HJURP: variants seen among roughly 807,000 people sequenced by gnomAD.
HJURP encodes 14-3-3-associated AKT substrate.
In HJURP, 49 loss-of-function variants were observed where a neutral mutation model predicts 72.0. The observed-to-expected ratio is 0.68, with a 90% confidence interval of 0.54 to 0.86. The LOEUF is 0.86. Among genes scored for constraint, HJURP ranks in the 40% least tolerant of loss-of-function variants. HJURP has a pLI of 0.00. For synonymous variants in HJURP, 357 were observed against 347.1 expected (o/e 1.03, Z -0.32); for missense variants, 908 against 936.3 (o/e 0.97, Z 0.39).
intron 6 of HJURP, among the ~76,000 whole-genome samples, chr2:233,844,856 G>A (rs1705319232): frequency 6.6e-6 from 1 of 152,188 alleles, no homozygotes; most frequent in African/African-American, 2.4e-5. Context: ...ATTCTGCAAT[G>A]TGTACTTCCT....
rs1705213650 is a variant in HJURP, at chr2:233,841,066, G to A, written c.1714C>T (p.His572Tyr). Residue 572 changes from histidine (H) to tyrosine (Y), a missense_variant, in exon 8 of 9, where the codon CAC becomes TAC. By Grantham distance (83) the His-to-Tyr change is moderately conservative. Coordinates refer to ENST00000411486, the MANE Select transcript of HJURP (RefSeq NM_018410.5). Reference sequence around the variant, plus strand: ...ATTTCATCGTAACGATTCCTTCCGTGGCCTGGCACTTCTTTATCTGGGACT... The same window carrying A: ...ATTTCATCGTAACGATTCCTTCCGTAGCCTGGCACTTCTTTATCTGGGACT... ...LSVPDKEVPG[H>Y]GRNRYDEIKE... 1 of 1,614,000 alleles carries A rather than the reference G, an allele frequency of 6.2e-7. No homozygotes were observed. Among genetic ancestry groups the A allele is most frequent in the South Asian group, 1.1e-5 (1 of 91,076 alleles).
chr2:233,850,302 C>T (rs778710256), intron 3 of HJURP, among the ~76,000 whole-genome samples: 15 of 152,316 alleles, frequency 9.8e-5, no homozygotes, highest in East Asian at 1.9e-4. Context: ...GTATTTAAGG[C>T]GGGGAGGAGC....
In HJURP at chr2:233,837,319, A is replaced by AAAAACC. The variant is rs1553643892; in HGVS notation, c.*257_*258insGGTTTT. 7.3e-6 allele frequency: 2 copies of AAAAACC among 275,474 alleles called. No homozygotes were observed. Among genetic ancestry groups the AAAAACC allele is most frequent in the African/African-American group, 5.5e-5 (2 of 36,518 alleles). The allele number at this position is 275,474 out of a possible 1,614,324, so 17.1% of individuals were successfully genotyped here. On this transcript the variant is annotated 3_prime_UTR_variant, in exon 9 of 9. Transcript: ENST00000411486. Reference sequence around the variant, plus strand: ...AAACAAACAAACAAACAAACAAATAACCCCCCCCCAAAAAAAACACACACA... The same window carrying AAAAACC: ...AAACAAACAAACAAACAAACAAATAAAAAACCCCCCCCCCCAAAAAAAACACACACA...
rs577946669 is a variant in HJURP, at chr2:233,846,007, G to T, written c.403-187C>A. 1 of 520,156 alleles carries T rather than the reference G, an allele frequency of 1.9e-6. No homozygotes were observed. Among genetic ancestry groups the T allele is most frequent in the Non-Finnish European group, 3.4e-6 (1 of 292,644 alleles). The allele number at this position is 520,156 out of a possible 1,614,324, so 32.2% of individuals were successfully genotyped here. ...TTCCTGCTATGTTAATAATCCAAAA[G>T]AATGTAAAAAGACACACACACACAA... On this transcript the variant is annotated intron_variant, in intron 5 of 8. Transcript: ENST00000411486. The surrounding 1 kb of genome is among the most constrained non-coding windows in gnomAD (Gnocchi z 4.3).
At position 233,841,004 on chromosome 2, in the gene HJURP, G is replaced by A. The variant is rs1395430617; in HGVS notation, c.1776C>T (p.Cys592=). Residue 592 remains cysteine, a synonymous_variant, in exon 8 of 9, where the codon TGC becomes TGT. Coordinates refer to ENST00000411486, the MANE Select transcript of HJURP (RefSeq NM_018410.5). ...EEFDKLHQKY[C]LKSPGQMTVP... ...CTGTCATCTGCCCAGGAGATTTGAG[G>A]CAATACTTTTGATGAAGCTTGTCAA... The A allele has an allele frequency of 5.0e-6, 8 of 1,614,006 alleles. No homozygotes were observed. The highest frequency in any genetic ancestry group is 5.9e-6 in the Non-Finnish European group (7 of 1,180,028).
intron 3 of HJURP, among the ~76,000 whole-genome samples, chr2:233,852,301 T>A (rs1705513003): frequency 6.6e-6 from 1 of 152,182 alleles, no homozygotes; most frequent in African/African-American, 2.4e-5. Flanking sequence ...CCTCTGCACA[T>A]GTATTATCAG....
In HJURP at chr2:233,840,942, C is replaced by T. The variant is rs200325352; in HGVS notation, c.1838G>A (p.Ser613Asn). ...TTCTGTTTGATATCGAACTTCCATA[C>T]TTGCTTTATCTGTAGACACTCCAAT... Reference protein sequence around the residue: ...LCIGVSTDKASMEVRYQTEGF... With the variant: ...LCIGVSTDKANMEVRYQTEGF... Residue 613 changes from serine (S) to asparagine (N), a missense_variant, in exon 8 of 9, where the codon AGT becomes AAT. By Grantham distance (46) the Ser-to-Asn change is conservative (BLOSUM62 1). Transcript: ENST00000411486. 9.9e-5 allele frequency: 160 copies of T among 1,614,052 alleles called. No homozygotes were observed. Among genetic ancestry groups the T allele is most frequent in the African/African-American group, 9.3e-5 (7 of 74,920 alleles).
At chr2:233,852,501 C>T (rs1346911584) in intron 3 of HJURP, 64 bp downstream of exon 3, 1 of 1,261,998 alleles carries the variant, frequency 7.9e-7, no homozygotes, top group Non-Finnish European at 1.2e-6. Context: ...ATACCCACAC[C>T]TTTATTCATA....
intron 2 of HJURP, 92 bp from the exon 3 acceptor site, chr2:233,852,712 A>G (rs1267785564): frequency 1.1e-5 from 9 of 800,582 alleles, no homozygotes; most frequent in Admixed American, 2.3e-5. Flanking sequence ...AGTGACAGGC[A>G]AAAAAAAGGT....
chr2:233,839,498 G>C (rs1250987183), intron 8 of HJURP, among the ~76,000 whole-genome samples: 1 of 152,264 alleles, frequency 6.6e-6, no homozygotes, highest in Non-Finnish European at 1.5e-5. Context: ...GAGTGACAGT[G>C]AGAAAGGCCC....
chr2:233,840,907 C>T lies in HJURP; in HGVS notation c.1873G>A (p.Gly625Arg). The T allele has an allele frequency of 1.9e-6, 3 of 1,614,142 alleles. No individual in the cohort carries two copies. Among genetic ancestry groups the T allele is most frequent in the Non-Finnish European group, 2.5e-6 (3 of 1,180,036 alleles). Residue 625 changes from glycine (G) to arginine (R), a missense_variant, in exon 8 of 9, where the codon GGA becomes AGA. By Grantham distance (125) the Gly-to-Arg change is moderately radical. Transcript: ENST00000411486. The part of the protein sequence containing the change: ...EVRYQTEGFL[G>R]KLNPDPHFQG... Reference sequence around the variant, plus strand: ...AAGTGAGGGTCTGGATTTAATTTTCCTAAGAAGCCTTCTGTTTGATATCGA... The same window carrying T: ...AAGTGAGGGTCTGGATTTAATTTTCTTAAGAAGCCTTCTGTTTGATATCGA...
rs1239768662 is a variant in HJURP at position 233,840,655 on chromosome 2, T to C, written c.2125A>G (p.Arg709Gly). ...GASDGVDNTV[R>G]PGDQGSSSQP... ...GAAGAGCTGCCCTGGTCTCCCGGTC[T>C]GACGGTGTTGTCCACCCCATCTGAG... Residue 709 changes from arginine to glycine, a missense_variant, in exon 8 of 9, where the codon AGA (arginine) becomes GGA (glycine). Physicochemically the swap from Arg to Gly is moderately radical, Grantham distance 125. This residue lies in a region of HJURP where 598 missense variants were observed against 619.5 expected (regional missense o/e 0.97). Transcript: ENST00000411486. 1 of 1,611,248 alleles carries C rather than the reference T, an allele frequency of 6.2e-7. No individual in the cohort carries two copies. Among genetic ancestry groups the C allele is most frequent in the Admixed American group, 1.7e-5 (1 of 59,102 alleles).
chr2:233,850,102 A>G (rs568022757), intron 3 of HJURP, among the ~76,000 whole-genome samples: 1 of 152,324 alleles, frequency 6.6e-6, no homozygotes. Flanking sequence ...AGGAGCAGGG[A>G]AAGTCAGGGG....
intron 7 of HJURP, among the ~76,000 whole-genome samples, chr2:233,843,650 G>A (rs931646938): frequency 1.3e-5 from 2 of 152,138 alleles, no homozygotes; most frequent in African/African-American, 4.8e-5. Context: ...CGCAACGGTG[G>A]TACCAGCCTG....
intron 8 of HJURP, among the ~76,000 whole-genome samples, chr2:233,839,911 C>A (rs1171029597): frequency 6.6e-6 from 1 of 152,218 alleles, no homozygotes; most frequent in Non-Finnish European, 1.5e-5. Flanking sequence ...GTCGCATCCT[C>A]CAGATCCTGA....
intron 8 of HJURP, among the ~76,000 whole-genome samples, chr2:233,838,978 C>T (rs531518944): frequency 1.3e-5 from 2 of 152,310 alleles, no homozygotes; most frequent in African/African-American, 4.8e-5. Context: ...AGGGGAGGAG[C>T]TCCGAGGGCC....
rs144982493 is a variant in HJURP, at chr2:233,846,514, C to T, written c.403-694G>A. ...AGCTCAGGAGGCTCTCCTACCCCTC[C>T]CCTGCTAGACACTGGAAATAGAGGG... On this transcript the variant is annotated intron_variant, in intron 5 of 8. Coordinates refer to ENST00000411486, the MANE Select transcript of HJURP (RefSeq NM_018410.5). The surrounding 1 kb of genome is among the most constrained non-coding windows in gnomAD (Gnocchi z 4.3). Among the ~76,000 whole-genome samples, 864 of 152,228 alleles carry T rather than the reference C, an allele frequency of 5.7e-3. 8 individuals are homozygous for T. The highest frequency in any genetic ancestry group is 0.018 in the African/African-American group (750 of 41,518).
Position 233,840,845 on chromosome 2 carries a change from C to G in HJURP, c.1935G>C (p.Gly645=). ...GFQKLPSSPL[G]CRKSLLGSTA... ...TTGAGCCCAGTAGACTTTTTCTGCA[C>G]CCCAGGGGTGATGATGGCAACTTCT... is the stretch of plus-strand genomic sequence containing the variant. The change falls in exon 8 of 9, where the codon GGG becomes GGC. Residue 645 remains glycine (G), a synonymous_variant. Transcript: ENST00000411486. The G allele has an allele frequency of 6.2e-7, 1 of 1,614,112 alleles. No individual in the cohort carries two copies.
In HJURP at chr2:233,841,141, T is replaced by G; in HGVS notation, c.1639A>C (p.Asn547His). Residue 547 changes from asparagine to histidine, a missense_variant, in exon 8 of 9, where the codon AAT becomes CAT. Transcript: ENST00000411486. ...QQTSDLHVQG[N>H]SSGIFRKSVS... is the part of the protein sequence containing the mutation. Reference sequence around the variant, plus strand: ...GACTTTCTAAATATTCCAGAACTATTTCCCTGAACGTGAAGGTCAGATGTC... The same window carrying G: ...GACTTTCTAAATATTCCAGAACTATGTCCCTGAACGTGAAGGTCAGATGTC... 5.0e-6 allele frequency: 8 copies of G among 1,614,166 alleles called. No homozygotes were observed. Among genetic ancestry groups the G allele is most frequent in the Non-Finnish European group, 6.8e-6 (8 of 1,180,010 alleles).
Sources: gnomAD v4.1 joint callset for allele counts (sites outside exome capture counted in the v4.1 genomes callset) on GRCh38, gnomAD v4.1.1 for gene constraint, gnomAD v4.1.1 regional missense constraint, Gnocchi (gnomAD v3.1) non-coding constraint, MANE v1.5 for transcripts, NCBI Gene and HGNC (gene_info 2026-07-23, HGNC 2026-07-21) for gene names.